The following ANK2 variants were observed in gnomAD, a reference collection of about 807,000 sequenced individuals.
ANK2 encodes ankyrin-2.
In ANK2, 83 loss-of-function variants were observed where a neutral mutation model predicts 360.5. The observed-to-expected ratio is 0.23, with a 90% CI of 0.19 to 0.28. The LOEUF is 0.28. ANK2 is among the 10% of genes least tolerant of loss of function. The pLI is 1.00. For synonymous variants in ANK2, 1,740 were observed against 1,759.5 expected (o/e 0.99, Z 0.28); for missense variants, 4,201 against 4,795.7 (o/e 0.88, Z 3.66).
chr4:113,236,146 T>A (rs1192813775), intron 5 of ANK2, among the ~76,000 whole-genome samples: 1 of 152,166 alleles, frequency 6.6e-6, no homozygotes, highest in Non-Finnish European at 1.5e-5. Flanking sequence ...GGATGTTTTT[T>A]TTTTCTTTCA....
chr4:113,229,516 G>A (rs1166276820), intron 4 of ANK2, among the ~76,000 whole-genome samples: 2 of 152,182 alleles, frequency 1.3e-5, no homozygotes, highest in Admixed American at 6.5e-5. Flanking sequence ...AGCATTTACA[G>A]GTTCCAGAGA....
intron 17 of ANK2, among the ~76,000 whole-genome samples, chr4:113,279,480 T>A (rs1171644671): frequency 6.6e-6 from 1 of 151,992 alleles, no homozygotes; most frequent in African/African-American, 2.4e-5. Context: ...TGTTAGAGCT[T>A]GTACCTGTGT....
chr4:113,243,798 C>T (rs924137797), intron 9 of ANK2, among the ~76,000 whole-genome samples: 2 of 152,132 alleles, frequency 1.3e-5, no homozygotes, highest in Non-Finnish European at 2.9e-5. Flanking sequence ...ACTTTACTAA[C>T]ATAATTTCTT....
chr4:112,840,481 AG>A (rs2061856347), intron 1 of ANK2, among the ~76,000 whole-genome samples: 1 of 152,150 alleles, frequency 6.6e-6, no homozygotes, highest in South Asian at 2.1e-4. Flanking sequence ...TTCTGGATCA[AG>A]GGGCAGATTC....
rs1466841606 is a variant in ANK2 at position 113,302,890 on chromosome 4, G to C, written c.2548+51G>C. 4 of 1,495,430 alleles carry C rather than the reference G, an allele frequency of 2.7e-6. No individual in the cohort carries two copies. The Admixed American group carries it at 6.7e-5, about 25-fold the overall frequency. 92.6% of individuals were successfully genotyped at this position (1,495,430 alleles called of 1,614,324 possible). A position where few individuals can be genotyped will look rare whatever the true frequency, so the allele number is the denominator to read the frequency against. ...GACACCTGTCATGTTCTTACACAAGGGCAAATTACCCTTTTTTTCAGAGAC... is the reference window on the plus strand; with the variant it reads ...GACACCTGTCATGTTCTTACACAAGCGCAAATTACCCTTTTTTTCAGAGAC... On this transcript the variant is annotated intron_variant, in intron 23 of 45. Transcript: ENST00000357077.
intron 2 of ANK2, among the ~76,000 whole-genome samples, chr4:113,182,305 G>T (rs536852624): frequency 6.6e-6 from 1 of 152,134 alleles, no homozygotes; most frequent in East Asian, 1.9e-4. Flanking sequence ...AGTTTGATTT[G>T]TTTGTGTGAT....
upstream of ANK2, among the ~76,000 whole-genome samples, chr4:112,816,668 T>C (rs911586839): frequency 1.9e-4 from 29 of 152,198 alleles, no homozygotes; most frequent in Non-Finnish European, 7.3e-5. Context: ...AGGAAACAGC[T>C]AATTATTAAA....
the ANK2 span, chr4:112,738,999 T>C: frequency 1.1e-5 from 7 of 665,142 alleles, no homozygotes; most frequent in Non-Finnish European, 1.9e-5. Context: ...TGTGCTGAGG[T>C]CGCTCACAAA....
chr4:113,315,646 C>G (rs992136449), intron 24 of ANK2, among the ~76,000 whole-genome samples: 3 of 152,102 alleles, frequency 2.0e-5, no homozygotes, highest in Non-Finnish European at 2.9e-5. Flanking sequence ...CGCCTGTAAT[C>G]CCAGCACTTT....
upstream of ANK2, among the ~76,000 whole-genome samples, chr4:112,814,457 GT>G (rs754349352): frequency 0.019 from 2,922 of 151,448 alleles, 40 homozygotes; most frequent in Middle Eastern, 0.027. Context: ...TTGTTTGTTT[GT>G]TTTTTTGAGA....
chr4:113,242,376 C>G (rs940596479), intron 9 of ANK2, among the ~76,000 whole-genome samples, 167 bp downstream of exon 9: 1 of 152,146 alleles, frequency 6.6e-6, no homozygotes, highest in Non-Finnish European at 1.5e-5. Flanking sequence ...TCATACCGTA[C>G]AGTGAAATTA....
intron 1 of ANK2, among the ~76,000 whole-genome samples, chr4:113,115,362 G>T (rs1488366361): frequency 1.3e-5 from 2 of 152,140 alleles, no homozygotes; most frequent in African/African-American, 2.4e-5. Flanking sequence ...ATTTTCAGCT[G>T]TTCAGATCAG....
intron 45 of ANK2, chr4:113,378,229 T>A (rs771906972): frequency 1.7e-5 from 17 of 978,126 alleles, no homozygotes; most frequent in Non-Finnish European, 1.7e-5. Flanking sequence ...ACCATAAAAA[T>A]TTTTCCAATT....
chr4:113,144,755 T>C (rs2096764655), intron 1 of ANK2, among the ~76,000 whole-genome samples: 1 of 147,702 alleles, frequency 6.8e-6, no homozygotes, highest in African/African-American at 2.4e-5. Context: ...TAATATATTT[T>C]ATATGGTTTT....
intron 1 of ANK2, among the ~76,000 whole-genome samples, chr4:112,889,672 G>A (rs920019739): frequency 6.6e-6 from 1 of 151,588 alleles, no homozygotes; most frequent in Non-Finnish European, 1.5e-5. Context: ...TTCTTTATTA[G>A]TAAAGCATGT....
At chr4:113,128,334 T>C (rs1234931397) in intron 1 of ANK2, among the ~76,000 whole-genome samples, 2 of 152,220 alleles carry the variant, frequency 1.3e-5, no homozygotes. Context: ...ATTCTAAGGA[T>C]TAAAATGAAA....
At chr4:112,729,338 T>C in the ANK2 span, among the ~76,000 whole-genome samples, 1 of 152,294 alleles carries the variant, frequency 6.6e-6, no homozygotes, top group African/African-American at 2.4e-5. Flanking sequence ...CTCTTGGATA[T>C]ATATCCAAAG....
chr4:113,092,811 C>A (rs952086362), intron 1 of ANK2, among the ~76,000 whole-genome samples: 2 of 152,006 alleles, frequency 1.3e-5, no homozygotes, highest in Non-Finnish European at 2.9e-5. Flanking sequence ...TGTGATGGTT[C>A]TTTTAGTTAT....
chr4:112,705,817 G>C, the ANK2 span, among the ~76,000 whole-genome samples: 5 of 152,210 alleles, frequency 3.3e-5, no homozygotes, highest in Admixed American at 2.0e-4. Flanking sequence ...CCGGCAGCTC[G>C]CACTTTCAGA....
Sources: allele counts gnomAD v4.1 joint callset (sites outside exome capture counted in the v4.1 genomes callset), GRCh38; gene constraint gnomAD v4.1.1; transcripts MANE v1.5; gene names NCBI Gene and HGNC (gene_info 2026-07-23, HGNC 2026-07-21).